The following NAA35 variants were observed in gnomAD, a reference collection of about 807,000 sequenced individuals.
NAA35 encodes MAK10 homolog, amino-acid N-acetyltransferase subunit.
NAA35 carries 18 observed loss-of-function variants against 101.7 expected under a neutral mutation model. The ratio of observed to expected loss-of-function variants is 0.18; its 90% CI spans 0.12 to 0.26. The LOEUF (loss-of-function observed/expected upper bound fraction) is 0.26. Ranked by LOEUF, NAA35 falls within the 10% of genes least tolerant of loss-of-function variation. NAA35 has a pLI of 1.00. For synonymous variants in NAA35, 267 were observed against 273.1 expected (o/e 0.98, Z 0.22); for missense variants, 601 against 886.8 (o/e 0.68, Z 4.09).
Position 85,957,777 on chromosome 9 carries a change from C to T in NAA35, c.159-695C>T, listed in dbSNP as rs73474705. On this transcript the variant is annotated intron_variant, in intron 3 of 22. Transcript: ENST00000361671. ...TAATTAGTAAGTAGACAAGATTGGACATTGTGGTTGCAGGGAAGGGGAAGT... is the reference window on the plus strand; with the variant it reads ...TAATTAGTAAGTAGACAAGATTGGATATTGTGGTTGCAGGGAAGGGGAAGT... Among the ~76,000 whole-genome samples, 821 of 152,168 alleles carry T rather than the reference C, an allele frequency of 5.4e-3. 8 individuals carry two copies. Among genetic ancestry groups the T allele is most frequent in the African/African-American group, 0.019 (791 of 41,516 alleles).
At position 86,018,724 on chromosome 9, in the gene NAA35, G is replaced by T; in HGVS notation, c.1940G>T (p.Ser647Ile). The change falls in exon 21 of 23, where the codon AGC becomes ATC. Residue 647 changes from serine (S) to isoleucine (I), a missense_variant. Ser to Ile is a moderately radical substitution (Grantham distance 142, BLOSUM62 -2). Around this residue, in one of 8 missense-constraint regions of NAA35, gnomAD observed 90 missense variants for 108.7 expected, o/e 0.83. Transcript: ENST00000361671. The part of the protein sequence containing the change: ...FKEMSDLNKY[S>I]PPPQSPELYV... ...GAAATGTCTGACCTCAATAAATATA[G>T]CCCTCCTCCTCAGTCTCCTGAACTG... The T allele has an allele frequency of 6.2e-7, 1 of 1,613,780 alleles. No individual in the cohort carries two copies. The highest frequency in any genetic ancestry group is 1.1e-5 in the South Asian group (1 of 91,020).
At chr9:85,980,828 C>A (rs1476430053) in intron 11 of NAA35, among the ~76,000 whole-genome samples, 2 of 152,194 alleles carry the variant, frequency 1.3e-5, no homozygotes, top group Non-Finnish European at 2.9e-5. Context: ...ACATTTATAT[C>A]CTTTTTTCGC....
At chr9:85,944,708 A>AT (rs1828683007) in intron 2 of NAA35, among the ~76,000 whole-genome samples, 1 of 152,204 alleles carries the variant, frequency 6.6e-6, no homozygotes, top group African/African-American at 2.4e-5. Context: ...TATCTTAGAA[A>AT]TTCATGGAAA....
At chr9:85,955,342 ATATATATATATATATATATTTT>A (rs1209035272) in intron 2 of NAA35, among the ~76,000 whole-genome samples, 4 of 64,542 alleles carry the variant, frequency 6.2e-5, no homozygotes, top group African/African-American at 3.3e-4. Context: ...ATATATATAT[ATATATATATATATATATATTTT>A]TTTTTTTTTT....
chr9:86,012,915 T>C, intron 15 of NAA35, 131 bp from the exon 16 acceptor site: 1 of 453,438 alleles, frequency 2.2e-6, no homozygotes, highest in East Asian at 3.4e-5. Flanking sequence ...AAATTAAAAG[T>C]ATACATAGAC....
intron 22 of NAA35, among the ~76,000 whole-genome samples, chr9:86,021,330 T>C (rs2118532086): frequency 6.6e-6 from 1 of 152,340 alleles, no homozygotes; most frequent in East Asian, 1.9e-4. Flanking sequence ...GACTTCTTTG[T>C]AATGGCTCAG....
intron 11 of NAA35, chr9:85,987,119 C>A (rs1033585746): frequency 6.6e-6 from 1 of 152,072 alleles, no homozygotes; most frequent in Non-Finnish European, 1.5e-5. Flanking sequence ...AAAAGAAATA[C>A]AAGAGATAAC....
At chr9:85,955,787 G>T (rs766510948) in intron 2 of NAA35, among the ~76,000 whole-genome samples, 3 of 152,176 alleles carry the variant, frequency 2.0e-5, no homozygotes, top group Admixed American at 6.6e-5. Flanking sequence ...ATTGGTTTGG[G>T]ATGCTGCTTG....
intron 11 of NAA35, among the ~76,000 whole-genome samples, chr9:85,990,131 A>C (rs939811416): frequency 6.6e-6 from 1 of 152,248 alleles, no homozygotes; most frequent in African/African-American, 2.4e-5. Context: ...GCACTGGGTC[A>C]AAACATGGCA....
At position 85,959,814 on chromosome 9, in the gene NAA35, G is replaced by A; in HGVS notation, c.295G>A (p.Asp99Asn). The A allele has an allele frequency of 6.2e-7, 1 of 1,609,656 alleles. No homozygotes were observed. The highest frequency in any genetic ancestry group is 8.5e-7 in the Non-Finnish European group (1 of 1,178,478). The change falls in exon 5 of 23, where the codon GAT becomes AAT. Residue 99 changes from aspartate to asparagine, a missense_variant. Physicochemically the swap from Asp to Asn is conservative, Grantham distance 23. Around this residue, in one of 8 missense-constraint regions of NAA35, gnomAD observed 42 missense variants for 41.2 expected, o/e 1.02. Coordinates refer to ENST00000361671, the MANE Select transcript of NAA35 (RefSeq NM_024635.4). ...TTAGGATGGCACTATTAAAATTAAA[G>A]ATCTCACCTTGCCTGAACTGATAGG... ...AIKDGTIKIK[D>N]LTLPELIGIM...
chr9:86,011,601 C>T (rs1250624788), intron 15 of NAA35, among the ~76,000 whole-genome samples: 9 of 151,366 alleles, frequency 5.9e-5, no homozygotes, highest in East Asian at 5.9e-4. Context: ...TCAAGTGATC[C>T]GCCCGTCTTG....
At chr9:86,019,851 C>T (rs571873245) in intron 21 of NAA35, among the ~76,000 whole-genome samples, 3 of 152,012 alleles carry the variant, frequency 2.0e-5, no homozygotes, top group South Asian at 2.1e-4. Flanking sequence ...GTGAGAGTGA[C>T]GAATATAAGA....
chr9:85,969,809 G>A (rs576107254), intron 6 of NAA35, among the ~76,000 whole-genome samples: 14 of 150,882 alleles, frequency 9.3e-5, no homozygotes, highest in African/African-American at 2.7e-4. Flanking sequence ...GCTATGGTGA[G>A]CTACAGTTGC....
intron 15 of NAA35, among the ~76,000 whole-genome samples, chr9:86,010,675 C>T (rs1311105566): frequency 2.7e-5 from 4 of 149,586 alleles, no homozygotes; most frequent in South Asian, 2.1e-4. Flanking sequence ...CCCGGGTTCA[C>T]GCCATTCTCC....
chr9:85,954,122 C>T (rs1294369335), intron 2 of NAA35, among the ~76,000 whole-genome samples: 1 of 152,002 alleles, frequency 6.6e-6, no homozygotes, highest in Non-Finnish European at 1.5e-5. Context: ...ACTCTGTCAC[C>T]CAGGCCGGAG....
At chr9:85,996,775 C>T (rs1467756784) in intron 12 of NAA35, among the ~76,000 whole-genome samples, 198 bp downstream of exon 12, 1 of 152,088 alleles carries the variant, frequency 6.6e-6, no homozygotes, top group Non-Finnish European at 1.5e-5. Context: ...AAATACTATA[C>T]ATACATACTG....
intron 15 of NAA35, among the ~76,000 whole-genome samples, chr9:86,011,912 TTATA>T (rs1259335812): frequency 1.4e-5 from 2 of 140,608 alleles, no homozygotes; most frequent in East Asian, 2.0e-4. Flanking sequence ...TTAATATATA[TTATA>T]TATCATATAA....
At chr9:86,021,845 G>A in intron 22 of NAA35, 56 bp from the exon 23 acceptor site, 1 of 1,327,622 alleles carries the variant, frequency 7.5e-7, no homozygotes, top group South Asian at 1.2e-5. Context: ...TCTTTGTTTT[G>A]TGTACCATCT....
At chr9:86,001,981 G>A (rs1831435129) in intron 12 of NAA35, among the ~76,000 whole-genome samples, 2 of 152,082 alleles carry the variant, frequency 1.3e-5, no homozygotes, top group Non-Finnish European at 2.9e-5. Flanking sequence ...GTGTTTAAGT[G>A]TGTTTTTGTA....
Sources: gnomAD v4.1 joint callset for allele counts (sites outside exome capture counted in the v4.1 genomes callset) on GRCh38, gnomAD v4.1.1 for gene constraint, gnomAD v4.1.1 regional missense constraint, MANE v1.5 for transcripts, NCBI Gene and HGNC (gene_info 2026-07-23, HGNC 2026-07-21) for gene names.